Variants in PCDHGB2 observed in about 807,000 individuals in gnomAD.
PCDHGB2 encodes protocadherin gamma subfamily B, 2, also known as protocadherin gamma-B2.
Under a neutral mutation model 59.3 loss-of-function variants are expected in PCDHGB2, and 55 were observed. That is an observed-to-expected ratio of 0.93 (90% CI 0.75 to 1.16). PCDHGB2 has a LOEUF of 1.16. Ranked by LOEUF, PCDHGB2 falls within the 50% of genes most tolerant of loss-of-function variation. The pLI, the probability that PCDHGB2 is intolerant of heterozygous loss-of-function variation, is 0.00. For synonymous variants in PCDHGB2, 516 were observed against 512.0 expected, an observed-to-expected ratio of 1.01 and a Z score of -0.11; for missense variants, 1,228 against 1,198.5, an observed-to-expected ratio of 1.02 and a Z score of -0.36.
chr5:141,416,699 T>C (rs1232694721), intron 1 of PCDHGB2: 1 of 152,092 alleles, frequency 6.6e-6, no homozygotes, highest in Non-Finnish European at 1.5e-5. Context: ...AAACAAAGGA[T>C]CATTGGAGGT....
chr5:141,399,465 G>C (rs770080703), intron 1 of PCDHGB2: 20 of 1,614,014 alleles, frequency 1.2e-5, no homozygotes, highest in Non-Finnish European at 1.7e-5. Flanking sequence ...ATAACGCTCC[G>C]GTTTTCCACC....
At chr5:141,423,659 A>T (rs369390148) in intron 1 of PCDHGB2, 133 of 1,551,038 alleles carry the variant, frequency 8.6e-5, no homozygotes, top group Non-Finnish European at 1.1e-4. Context: ...ACAAGTAATC[A>T]GGTGAGATTT....
At chr5:141,398,450 C>T in intron 1 of PCDHGB2, 1 of 1,574,388 alleles carries the variant, frequency 6.4e-7, no homozygotes, top group East Asian at 2.2e-5. Flanking sequence ...GAATTTGAGG[C>T]TGTTGCTGAA....
intron 1 of PCDHGB2, chr5:141,415,488 C>T: frequency 1.9e-6 from 3 of 1,614,220 alleles, no homozygotes; most frequent in Non-Finnish European, 2.5e-6. Context: ...GAAAGAGTCA[C>T]CTGATCTTCC....
Position 141,511,202 on chromosome 5 carries a change from C to A in PCDHGB2, c.*29C>A. On this transcript the variant is annotated 3_prime_UTR_variant, in exon 4 of 4. Transcript: ENST00000522605. ...GGAGGCCAGGCCAAGAGCCACAGGG[C>A]GGCCTCTCCCCAACCAGCCCAGCTT... The A allele has an allele frequency of 6.2e-7, 1 of 1,612,136 alleles. No individual in the cohort carries two copies.
At chr5:141,372,542 A>G in intron 1 of PCDHGB2, 1 of 1,613,892 alleles carries the variant, frequency 6.2e-7, no homozygotes, top group Non-Finnish European at 8.5e-7. Context: ...TGCGCCTGCG[A>G]TGCTCCTCCA....
At chr5:141,494,156 C>T (rs566096073) in intron 1 of PCDHGB2, among the ~76,000 whole-genome samples, 22 of 152,316 alleles carry the variant, frequency 1.4e-4, no homozygotes, top group African/African-American at 4.3e-4. Context: ...TTGTCTGGCA[C>T]GGAGTTCTAG....
chr5:141,421,537 T>C (rs11167744), intron 1 of PCDHGB2: 139,246 of 1,613,908 alleles, frequency 0.086, 6,702 homozygotes, highest in East Asian at 0.14. Context: ...GTCCTCCTGT[T>C]TTTTAAATAT....
chr5:141,408,096 C>T, intron 1 of PCDHGB2: 5 of 1,434,864 alleles, frequency 3.5e-6, no homozygotes, highest in Non-Finnish European at 4.6e-6. Flanking sequence ...ATTGCCAGCT[C>T]CGAGACCCGG....
Position 141,361,225 on chromosome 5 carries a change from A to G in PCDHGB2, c.1090A>G (p.Thr364Ala), listed in dbSNP as rs748119164. 2.5e-6 allele frequency: 4 copies of G among 1,614,030 alleles called. No individual in the cohort carries two copies. In the Middle Eastern group the frequency reaches 4.9e-4, roughly 200 times the overall value. ...CCTACCGGAGGATTCGCCACCAGGAACAGTGATCGCCTTGATAAAAACGAG... is the reference window on the plus strand; with the variant it reads ...CCTACCGGAGGATTCGCCACCAGGAGCAGTGATCGCCTTGATAAAAACGAG... ...TPLPEDSPPGTVIALIKTRDR... is the reference protein window; with the variant it reads ...TPLPEDSPPGAVIALIKTRDR... The change falls in exon 1 of 4, where the codon ACA becomes GCA. Residue 364 changes from threonine to alanine, a missense_variant. By Grantham distance (58) the Thr-to-Ala change is moderately conservative. This residue lies in a region of PCDHGB2 where 781 missense variants were observed against 721.6 expected (regional missense o/e 1.08). Transcript: ENST00000522605.
Position 141,432,083 on chromosome 5 carries a change from G to T in PCDHGB2, c.2422-62724G>T, listed in dbSNP as rs1221754474. On this transcript the variant is annotated intron_variant, in intron 1 of 3. Transcript: ENST00000522605. The surrounding 1 kb of genome is among the most constrained non-coding windows in gnomAD (Gnocchi z 6.0). ...CACGGAAACTCATATCTCGCTGAAC[G>T]TGGCAGACACCAACGACAACCCGCC... The T allele has an allele frequency of 1.9e-6, 3 of 1,614,040 alleles. No individual in the cohort carries two copies. The highest frequency in any genetic ancestry group is 2.7e-5 in the African/African-American group (2 of 74,910).
chr5:141,447,056 G>A (rs1452688256), intron 1 of PCDHGB2, among the ~76,000 whole-genome samples: 1 of 152,058 alleles, frequency 6.6e-6, no homozygotes, highest in Non-Finnish European at 1.5e-5. Flanking sequence ...CTATTAAAAT[G>A]TGTCAGGCTG....
chr5:141,376,681 T>TTTTTTG, intron 1 of PCDHGB2: 1 of 745,704 alleles, frequency 1.3e-6, no homozygotes, highest in Non-Finnish European at 2.0e-6. Context: ...GTATCGTTTT[T>TTTTTTG]TTTTTTTTTT....
At chr5:141,454,267 A>G (rs1270638226) in intron 1 of PCDHGB2, among the ~76,000 whole-genome samples, 1 of 152,254 alleles carries the variant, frequency 6.6e-6, no homozygotes, top group Non-Finnish European at 1.5e-5. Context: ...AAGTAATGCC[A>G]GCAAAAACTT....
rs1246027327 is a variant in PCDHGB2, at chr5:141,491,976, C to A, written c.2422-2831C>A. On this transcript the variant is annotated intron_variant, in intron 1 of 3. Transcript: ENST00000522605. This position sits in a 1 kb window ranked among gnomAD's most constrained non-coding sequence, Gnocchi z 6.9. ...ACTCAAAAAAGGCCGGGGCCTCCTT[C>A]GAGCTTCCGGTGAATTTCGGGCGAT... 3 of 800,708 alleles carry A rather than the reference C, an allele frequency of 3.7e-6. No individual in the cohort carries two copies. The Admixed American group carries it at 1.1e-4, about 30-fold the overall frequency. 49.6% of individuals were successfully genotyped at this position (800,708 alleles called of 1,614,324 possible).
At position 141,430,969 on chromosome 5, in the gene PCDHGB2, T is replaced by C. The variant is rs560722324; in HGVS notation, c.2422-63838T>C. The C allele has an allele frequency of 1.5e-4, 246 of 1,613,012 alleles. 3 individuals carry two copies. The South Asian group carries it at 2.6e-3, about 17-fold the overall frequency. The stretch of plus-strand genomic sequence containing the variant: ...GCGGAGTCCGCATCATCCCCAGAGG[T>C]AGGACGCAGCTTTTCGCCCTGAATC... On this transcript the variant is annotated intron_variant, in intron 1 of 3. Transcript: ENST00000522605.
In PCDHGB2 at chr5:141,360,067, T is replaced by C; in HGVS notation, c.-69T>C. On this transcript the variant is annotated 5_prime_UTR_variant, in exon 1 of 4. Coordinates refer to ENST00000522605, the MANE Select transcript of PCDHGB2 (RefSeq NM_018923.3). ...AAAACAAAAGCAGGAAAAGTGACCT[T>C]AGCCCGGATTCTGCCATCCCCGGAA... 2 of 1,466,818 alleles carry C rather than the reference T, an allele frequency of 1.4e-6. No homozygotes were observed. The highest frequency in any genetic ancestry group is 1.8e-6 in the Non-Finnish European group (2 of 1,106,746). The allele number at this position is 1,466,818 out of a possible 1,614,324, so 90.9% of individuals were successfully genotyped here.
At chr5:141,363,369 A>G (rs1274938037) in intron 1 of PCDHGB2, among the ~76,000 whole-genome samples, 1 of 152,198 alleles carries the variant, frequency 6.6e-6, no homozygotes, top group Non-Finnish European at 1.5e-5. Context: ...TTTTCAATCA[A>G]GAGGTTTTTC....
At position 141,399,193 on chromosome 5, in the gene PCDHGB2, G is replaced by A. The variant is rs138699584; in HGVS notation, c.2421+36637G>A. ...TCTACTTGAAATGATTCTGGAAAAC[G>A]CGGTGCCTGGAACACTAATTGCTTT... is the stretch of plus-strand genomic sequence containing the variant. On this transcript the variant is annotated intron_variant, in intron 1 of 3. Transcript: ENST00000522605. The A allele has an allele frequency of 4.9e-3, 7,970 of 1,613,820 alleles. 45 individuals are homozygous for A. Among genetic ancestry groups the A allele is most frequent in the Admixed American group, 9.4e-3 (567 of 60,008 alleles).
Sources: gnomAD v4.1 joint callset for allele counts (sites outside exome capture counted in the v4.1 genomes callset) on GRCh38, gnomAD v4.1.1 for gene constraint, gnomAD v4.1.1 regional missense constraint, Gnocchi (gnomAD v3.1) non-coding constraint, MANE v1.5 for transcripts, NCBI Gene and HGNC (gene_info 2026-07-23, HGNC 2026-07-21) for gene names.